The following NUP214 variants were observed in gnomAD, a reference collection of about 807,000 sequenced individuals.
NUP214 encodes the protein nucleoporin 214, also known as nuclear pore complex protein Nup214.
A neutral mutation model predicts 196.2 loss-of-function variants in NUP214; 79 were observed. The observed-to-expected ratio is 0.40, with a 90% CI of 0.34 to 0.49. NUP214 has a LOEUF of 0.49. NUP214 is among the 20% of genes least tolerant of loss of function. The pLI, the probability that NUP214 is intolerant of heterozygous loss-of-function variation, is 0.58. For missense variants in NUP214, 2,468 were observed against 2,539.0 expected, an observed-to-expected ratio of 0.97 and a Z score of 0.60; for synonymous variants, 1,020 against 990.5, an observed-to-expected ratio of 1.03 and a Z score of -0.56.
intron 4 of NUP214, 59 bp from the exon 5 acceptor site, chr9:131,130,707 A>C: frequency 1.1e-5 from 15 of 1,417,128 alleles, no homozygotes; most frequent in African/African-American, 1.4e-5. Context: ...TGTGTGTGAT[A>C]GATCTTATTG....
At chr9:131,184,026 C>CTTTTTTTTTTTTTTTTTTTTTT (rs776765956) in intron 24 of NUP214, among the ~76,000 whole-genome samples, 15 of 104,358 alleles carry the variant, frequency 1.4e-4, no homozygotes, top group Non-Finnish European at 1.9e-4. Flanking sequence ...TTTTCTTTTT[C>CTTTTTTTTTTTTTTTTTTTTTT]TTTTTTTTTT....
intron 14 of NUP214, among the ~76,000 whole-genome samples, chr9:131,148,539 G>C (rs1013262383): frequency 6.6e-6 from 1 of 152,168 alleles, no homozygotes; most frequent in Non-Finnish European, 1.5e-5. Flanking sequence ...TTCCCACCAA[G>C]AGTGTATGAG....
intron 18 of NUP214, among the ~76,000 whole-genome samples, chr9:131,160,865 G>A (rs1437511804): frequency 6.6e-6 from 1 of 152,172 alleles, no homozygotes; most frequent in Non-Finnish European, 1.5e-5. Flanking sequence ...AGAATTCTGT[G>A]GCCTGTGGAC....
rs1439763473 is a variant in NUP214 at position 131,174,045 on chromosome 9, G to C, written c.2894-10G>C. 2 of 1,609,868 alleles carry C rather than the reference G, an allele frequency of 1.2e-6. No individual in the cohort carries two copies. Among genetic ancestry groups the C allele is most frequent in the Non-Finnish European group, 1.7e-6 (2 of 1,178,758 alleles). Reference sequence around the variant, plus strand: ...TTGTCTAAATTGTGTTTTGTTTGGGGCTTTTGTAGCCAGCCTGTCTCGATC... The same window carrying C: ...TTGTCTAAATTGTGTTTTGTTTGGGCCTTTTGTAGCCAGCCTGTCTCGATC... On this transcript the variant is annotated splice_polypyrimidine_tract_variant and intron_variant, in intron 21 of 35. Coordinates refer to ENST00000359428, the MANE Select transcript of NUP214 (RefSeq NM_005085.4).
intron 31 of NUP214, among the ~76,000 whole-genome samples, chr9:131,219,033 C>G (rs1220305710): frequency 6.6e-6 from 1 of 152,078 alleles, no homozygotes; most frequent in Admixed American, 6.6e-5. Flanking sequence ...CATGATCGCT[C>G]CCTCTCTGGA....
In NUP214 at chr9:131,134,921, G is replaced by T. The variant is rs745653292; in HGVS notation, c.855G>T (p.Glu285Asp). Residue 285 changes from glutamate to aspartate, a missense_variant, in exon 8 of 36, where the codon GAG (glutamate) becomes GAT (aspartate). Transcript: ENST00000359428. ...LLPKKEEKHP[E>D]IFVNFMEPCY... ...AGAAAAAAGAAGAAAAGCACCCAGA[G>T]ATATTTGTGAACTTTATGGAGCCCT... The T allele has an allele frequency of 2.5e-6, 4 of 1,613,698 alleles. No homozygotes were observed. The Admixed American group carries it at 6.7e-5, about 27-fold the overall frequency.
In NUP214 at chr9:131,174,174, G is replaced by A; in HGVS notation, c.3013G>A (p.Asp1005Asn). ...TGAAGATGCACGGACGTCCTGTAAA[G>A]ATGACGAGGCAGTGGTTCAGGCCCC... ...ESEDARTSCK[D>N]DEAVVQAPRH... The change falls in exon 22 of 36, where the codon GAT becomes AAT. Residue 1005 changes from aspartate to asparagine, a missense_variant. Coordinates refer to ENST00000359428, the MANE Select transcript of NUP214 (RefSeq NM_005085.4). The A allele has an allele frequency of 6.2e-7, 1 of 1,613,906 alleles. No individual in the cohort carries two copies. Among genetic ancestry groups the A allele is most frequent in the Non-Finnish European group, 8.5e-7 (1 of 1,179,938 alleles).
Position 131,174,231 on chromosome 9 carries a change from A to G in NUP214, c.3070A>G (p.Ile1024Val). 1 of 1,613,846 alleles carries G rather than the reference A, an allele frequency of 6.2e-7. No homozygotes were observed. Among genetic ancestry groups the G allele is most frequent in the Non-Finnish European group, 8.5e-7 (1 of 1,179,946 alleles). The change falls in exon 22 of 36, where the codon ATC becomes GTC. Residue 1024 changes from isoleucine (I) to valine (V), a missense_variant. Physicochemically the swap from Ile to Val is conservative, Grantham distance 29. Transcript: ENST00000359428. The stretch of plus-strand genomic sequence containing the variant: ...CGCCCCCGTGGTTCGCACTCCTTCC[A>G]TCCAGCCCAGTCTCTTGCCCCATGC... The part of the protein sequence containing the change: ...RHAPVVRTPS[I>V]QPSLLPHAAP...
In NUP214 at chr9:131,197,643, C is replaced by A. The variant is rs761815451; in HGVS notation, c.4149C>A (p.His1383Gln). 3 of 1,614,052 alleles carry A rather than the reference C, an allele frequency of 1.9e-6. No individual in the cohort carries two copies. Among genetic ancestry groups the A allele is most frequent in the Non-Finnish European group, 2.5e-6 (3 of 1,180,026 alleles). The change falls in exon 29 of 36, where the codon CAC becomes CAA. Residue 1383 changes from histidine to glutamine, a missense_variant. By Grantham distance (24) the His-to-Gln change is conservative. Around this residue, in one of 5 missense-constraint regions of NUP214, gnomAD observed 1,801 missense variants for 1,779.4 expected, o/e 1.01. Coordinates refer to ENST00000359428, the MANE Select transcript of NUP214 (RefSeq NM_005085.4). ...CTGCCCCCCCGGTGTTAGGGAAGCA[C>A]ACGGAGCCCCCTGTGACATCCTCTG... is the stretch of plus-strand genomic sequence containing the variant. ...NFTAPPVLGK[H>Q]TEPPVTSSAT...
At position 131,128,452 on chromosome 9, in the gene NUP214, CT is replaced by C. The variant is rs1339521249; in HGVS notation, c.369del (p.Phe123LeufsTer23). ...MMSSEYGSIIAFFDVRTFSNE... is the reference protein window; with the variant it reads ...MMSSEYGSIIXFFDVRTFSNE... ...TCCAGTGAATATGGTTCCATTATTG[CT>C]TTTTTTGATGTTCGCACATTCTCAA... On this transcript the variant is annotated frameshift_variant, in exon 3 of 36. Coordinates refer to ENST00000359428, the MANE Select transcript of NUP214 (RefSeq NM_005085.4). LOFTEE classifies it high-confidence loss of function. 3 of 1,612,674 alleles carry C rather than the reference CT, an allele frequency of 1.9e-6. No individual in the cohort carries two copies. Among genetic ancestry groups the C allele is most frequent in the South Asian group, 1.1e-5 (1 of 90,954 alleles).
intron 10 of NUP214, 84 bp downstream of exon 10, chr9:131,139,491 C>CAA: frequency 6.4e-7 from 1 of 1,558,872 alleles, no homozygotes; most frequent in Non-Finnish European, 8.6e-7. Context: ...ATGTTACTGA[C>CAA]AGAGTCTACT....
chr9:131,197,123 G>C, intron 28 of NUP214, 93 bp from the exon 29 acceptor site: 3 of 1,535,070 alleles, frequency 2.0e-6, no homozygotes, highest in East Asian at 4.5e-5. Context: ...AGAGGGAGGA[G>C]AGAAACTTTG....
intron 26 of NUP214, chr9:131,190,246 CTT>C (rs1425320553): frequency 8.2e-6 from 4 of 485,116 alleles, no homozygotes; most frequent in African/African-American, 2.0e-5. Flanking sequence ...CTGTCAAAGA[CTT>C]GAGTATTTTA....
chr9:131,126,749 G>T (rs561664041), intron 1 of NUP214, among the ~76,000 whole-genome samples: 3 of 151,942 alleles, frequency 2.0e-5, no homozygotes, highest in Admixed American at 2.0e-4. Context: ...TGGGTTTCAC[G>T]ATGTTGGCCA....
In NUP214 at chr9:131,125,646, TCCGTGGGCAAGG is replaced by T; in HGVS notation, c.-51_-40del. ...AAGTTTGCTGTCGAGCGGCCTGGGT[TCCGTGGGCAAGG>T]CCGTGGGAGGCAGCGTTGGCTGCTT... On this transcript the variant is annotated 5_prime_UTR_variant, in exon 1 of 36. Coordinates refer to ENST00000359428, the MANE Select transcript of NUP214 (RefSeq NM_005085.4). The surrounding 1 kb of genome is among the most constrained non-coding windows in gnomAD (Gnocchi z 4.1). 1.9e-6 allele frequency: 3 copies of T among 1,542,118 alleles called. No individual in the cohort carries two copies. The highest frequency in any genetic ancestry group is 2.4e-5 in the South Asian group (2 of 83,390).
At chr9:131,133,300 T>G in intron 7 of NUP214, 91 bp downstream of exon 7, 4 of 744,774 alleles carry the variant, frequency 5.4e-6, no homozygotes, top group Non-Finnish European at 8.2e-6. Context: ...TTTTTTGTGT[T>G]TGTGTTTTTT....
Position 131,198,048 on chromosome 9 carries a change from A to G in NUP214, c.4554A>G (p.Leu1518=). Residue 1518 remains leucine (L), a synonymous_variant, in exon 29 of 36, where the codon CTA becomes CTG. Coordinates refer to ENST00000359428, the MANE Select transcript of NUP214 (RefSeq NM_005085.4). Reference sequence around the variant, plus strand: ...TCTCAGCATCAGCAGCCTCACTTCTAGAGGAGCAACAGTCAGCCCAGCTTC... The same window carrying G: ...TCTCAGCATCAGCAGCCTCACTTCTGGAGGAGCAACAGTCAGCCCAGCTTC... The part of the protein sequence containing the change: ...SEVSASAASL[L]EEQQSAQLPQ... 6.2e-7 allele frequency: 1 copy of G among 1,614,246 alleles called. No individual in the cohort carries two copies.
chr9:131,141,421 A>G (rs1831911115), intron 11 of NUP214, among the ~76,000 whole-genome samples: 1 of 151,908 alleles, frequency 6.6e-6, no homozygotes, highest in African/African-American at 2.4e-5. Flanking sequence ...ACATATAAAT[A>G]CTAGTCTGTA....
At chr9:131,140,857 T>C (rs1831888193) in intron 11 of NUP214, 147 bp downstream of exon 11, 1 of 700,556 alleles carries the variant, frequency 1.4e-6, no homozygotes, top group Non-Finnish European at 2.3e-6. Flanking sequence ...ATCTTTTTTT[T>C]AAACATGCAT....
Sources: allele counts gnomAD v4.1 joint callset (sites outside exome capture counted in the v4.1 genomes callset), GRCh38; gene constraint gnomAD v4.1.1; regional missense constraint gnomAD v4.1.1; non-coding constraint Gnocchi (gnomAD v3.1); transcripts MANE v1.5; gene names NCBI Gene and HGNC (gene_info 2026-07-23, HGNC 2026-07-21).